FSTL5: variants seen among roughly 807,000 people sequenced by gnomAD.
The protein encoded by FSTL5 is follistatin-related protein 5.
In FSTL5, 62 loss-of-function variants were observed where a neutral mutation model predicts 89.1. The observed-to-expected ratio is 0.70, with a 90% CI of 0.57 to 0.86. The LOEUF is 0.86. FSTL5 is among the 40% of genes least tolerant of loss of function. FSTL5 has a pLI of 0.00. For missense variants in FSTL5, 1,057 were observed against 1,001.6 expected, an observed-to-expected ratio of 1.06 and a Z score of -0.75; for synonymous variants, 383 against 346.2, an observed-to-expected ratio of 1.11 and a Z score of -1.18.
intron 2 of FSTL5, among the ~76,000 whole-genome samples, chr4:162,041,589 T>C (rs1338426122): frequency 6.6e-6 from 1 of 152,196 alleles, no homozygotes; most frequent in Non-Finnish European, 1.5e-5. Flanking sequence ...ATTCCAATGC[T>C]AAAATTGTAG....
At chr4:161,722,396 A>G (rs1739247705) in intron 6 of FSTL5, among the ~76,000 whole-genome samples, 1 of 152,172 alleles carries the variant, frequency 6.6e-6, no homozygotes, top group Non-Finnish European at 1.5e-5. Context: ...CAGAATGATT[A>G]TATCCAGGTT....
chr4:162,038,047 C>T (rs931528100), intron 2 of FSTL5, among the ~76,000 whole-genome samples: 7 of 151,794 alleles, frequency 4.6e-5, no homozygotes, highest in Non-Finnish European at 8.8e-5. Flanking sequence ...TCTGTCCACA[C>T]GATTCATTTG....
chr4:161,451,592 A>C (rs1733165441), intron 15 of FSTL5, among the ~76,000 whole-genome samples: 1 of 152,210 alleles, frequency 6.6e-6, no homozygotes, highest in Non-Finnish European at 1.5e-5. Context: ...AAATGAAGTA[A>C]GTTGGTTAAG....
intron 7 of FSTL5, among the ~76,000 whole-genome samples, chr4:161,606,240 A>ATTTTTT (rs71598720): frequency 1.6e-4 from 19 of 117,862 alleles, no homozygotes; most frequent in Admixed American, 2.8e-4. Context: ...ATTATCTGTG[A>ATTTTTT]TTTTTTTTTT....
At chr4:162,114,969 G>T (rs976787760) in intron 1 of FSTL5, among the ~76,000 whole-genome samples, 3 of 152,194 alleles carry the variant, frequency 2.0e-5, no homozygotes, top group Admixed American at 2.0e-4. Flanking sequence ...CAAAATTTAT[G>T]ATATGACTGG....
intron 1 of FSTL5, among the ~76,000 whole-genome samples, chr4:162,126,689 T>C (rs1732094230): frequency 6.6e-6 from 1 of 152,224 alleles, no homozygotes; most frequent in African/African-American, 2.4e-5. Flanking sequence ...CAACTTATTT[T>C]ATATTTAACT....
At chr4:162,117,463 A>C (rs545344750) in intron 1 of FSTL5, among the ~76,000 whole-genome samples, 1 of 152,338 alleles carries the variant, frequency 6.6e-6, no homozygotes, top group South Asian at 2.1e-4. Flanking sequence ...GATATGGGCT[A>C]GAGATACCTG....
intron 15 of FSTL5, among the ~76,000 whole-genome samples, chr4:161,423,470 G>T (rs1219532082): frequency 6.6e-6 from 1 of 151,940 alleles, no homozygotes. Flanking sequence ...TTTTCGTTAT[G>T]TTTTTTGAAA....
At chr4:161,829,255 C>T (rs1325874936) in intron 4 of FSTL5, among the ~76,000 whole-genome samples, 4 of 147,838 alleles carry the variant, frequency 2.7e-5, no homozygotes, top group South Asian at 4.2e-4. Flanking sequence ...TCTGGTATTC[C>T]AGAGGAAAAG....
intron 6 of FSTL5, among the ~76,000 whole-genome samples, chr4:161,693,578 T>G (rs1738027542): frequency 6.6e-6 from 1 of 151,818 alleles, no homozygotes; most frequent in Non-Finnish European, 1.5e-5. Flanking sequence ...ATTTGTCCAT[T>G]TCATCTAGAT....
intron 4 of FSTL5, among the ~76,000 whole-genome samples, 167 bp downstream of exon 4, chr4:161,920,237 T>C (rs1343782123): frequency 2.6e-5 from 4 of 152,196 alleles, no homozygotes; most frequent in African/African-American, 4.8e-5. Flanking sequence ...CAGAATTGTT[T>C]CCATGTAAAT....
At chr4:161,834,393 A>C (rs1730961613) in intron 4 of FSTL5, among the ~76,000 whole-genome samples, 1 of 152,170 alleles carries the variant, frequency 6.6e-6, no homozygotes, top group African/African-American at 2.4e-5. Flanking sequence ...AACTGGCACA[A>C]GACAGGGATG....
At chr4:162,110,837 G>C (rs1038778393) in intron 2 of FSTL5, among the ~76,000 whole-genome samples, 1 of 151,694 alleles carries the variant, frequency 6.6e-6, no homozygotes, top group African/African-American at 2.4e-5. Flanking sequence ...GAAATCCTTT[G>C]CTAACCTATA....
At chr4:161,598,110 G>A (rs1734093651) in intron 7 of FSTL5, among the ~76,000 whole-genome samples, 1 of 152,114 alleles carries the variant, frequency 6.6e-6, no homozygotes, top group African/African-American at 2.4e-5. Context: ...AATAGCTCAT[G>A]GCTGTAATCC....
chr4:161,419,426 A>G (rs1731907057), intron 15 of FSTL5, among the ~76,000 whole-genome samples: 1 of 152,196 alleles, frequency 6.6e-6, no homozygotes, highest in South Asian at 2.1e-4. Context: ...ACCAGCCAAT[A>G]AAGAAAGAAA....
intron 10 of FSTL5, among the ~76,000 whole-genome samples, chr4:161,528,518 A>C (rs947242149): frequency 7.0e-6 from 1 of 143,072 alleles, no homozygotes; most frequent in Non-Finnish European, 1.5e-5. Flanking sequence ...ACAGTTGTAT[A>C]ATCTGGGCTG....
chr4:161,673,680 ATG>A (rs1219106740), intron 6 of FSTL5, among the ~76,000 whole-genome samples: 1 of 152,008 alleles, frequency 6.6e-6, no homozygotes, highest in African/African-American at 2.4e-5. Context: ...CTAGTGTCAA[ATG>A]TCACTATTTT....
intron 6 of FSTL5, among the ~76,000 whole-genome samples, chr4:161,698,572 T>C (rs937750597): frequency 1.3e-5 from 2 of 152,084 alleles, no homozygotes; most frequent in African/African-American, 4.8e-5. Flanking sequence ...AACCTAAAAA[T>C]TGAAATTCAC....
At chr4:161,570,976 T>C (rs748704074) in intron 8 of FSTL5, among the ~76,000 whole-genome samples, 6 of 151,556 alleles carry the variant, frequency 4.0e-5, no homozygotes, top group Non-Finnish European at 8.8e-5. Context: ...TAGCCAGGCG[T>C]GGTGGTGGGT....
Sources: allele counts gnomAD v4.1 joint callset (sites outside exome capture counted in the v4.1 genomes callset), GRCh38; gene constraint gnomAD v4.1.1; transcripts MANE v1.5; gene names NCBI Gene and HGNC (gene_info 2026-07-23, HGNC 2026-07-21).